ADAMTSL1: variants seen among roughly 807,000 people sequenced by gnomAD.
ADAMTSL1 encodes ADAMTS-like protein 1.
ADAMTSL1 carries 126 observed loss-of-function variants against 201.8 expected under a neutral mutation model. The observed-to-expected ratio is 0.62, with a 90% CI of 0.54 to 0.72. The LOEUF is 0.72. Ranked by LOEUF, ADAMTSL1 falls within the 30% of genes least tolerant of loss-of-function variation. The probability of loss-of-function intolerance (pLI) is 0.00; values close to 1 mark genes in which losing one functional copy is unlikely to be tolerated. For missense variants in ADAMTSL1, 2,679 were observed against 2,277.8 expected (o/e 1.18, Z -3.59); for synonymous variants, 1,121 against 903.4 (o/e 1.24, Z -4.32).
chr9:18,271,453 A>G (rs13293064), intron 2 of ADAMTSL1, among the ~76,000 whole-genome samples: 11,858 of 151,802 alleles, frequency 0.078, 523 homozygotes, highest in African/African-American at 0.11. Context: ...GTGATAGTTT[A>G]CTGAGAATGA....
chr9:18,781,499 G>T (rs536658246), intron 19 of ADAMTSL1, among the ~76,000 whole-genome samples: 48 of 152,282 alleles, frequency 3.2e-4, no homozygotes, highest in African/African-American at 1.1e-3. Flanking sequence ...TTCAAGTTCT[G>T]TTTAAGAAAA....
upstream of ADAMTSL1, among the ~76,000 whole-genome samples, chr9:18,472,106 T>C (rs1235578150): frequency 1.4e-4 from 22 of 152,170 alleles, no homozygotes; most frequent in Admixed American, 1.2e-3. Flanking sequence ...GTTCCATTAA[T>C]AGAACTAGCT....
chr9:18,228,647 C>T (rs573204140), intron 2 of ADAMTSL1, among the ~76,000 whole-genome samples: 9 of 152,116 alleles, frequency 5.9e-5, no homozygotes, highest in Admixed American at 3.3e-4. Context: ...TTTGAACTCC[C>T]GGCCTCAAGT....
chr9:18,567,092 G>A (rs1821951977), intron 3 of ADAMTSL1, among the ~76,000 whole-genome samples: 1 of 152,062 alleles, frequency 6.6e-6, no homozygotes, highest in Non-Finnish European at 1.5e-5. Flanking sequence ...CTGGAGGGTG[G>A]GGCCCCAACA....
At chr9:18,590,867 T>G (rs751017164) in intron 4 of ADAMTSL1, among the ~76,000 whole-genome samples, 13 of 152,174 alleles carry the variant, frequency 8.5e-5, no homozygotes, top group Non-Finnish European at 1.6e-4. Context: ...GATTTCTAGT[T>G]TTATTTCATT....
intron 18 of ADAMTSL1, 117 bp from the exon 19 acceptor site, chr9:18,776,664 T>C (rs1821019223): frequency 2.5e-6 from 3 of 1,213,066 alleles, no homozygotes; most frequent in African/African-American, 3.1e-5. Flanking sequence ...CCTTCGTCTC[T>C]CCTTCTCTTC....
At chr9:18,606,519 T>C (rs1206820358) in intron 4 of ADAMTSL1, among the ~76,000 whole-genome samples, 1 of 152,190 alleles carries the variant, frequency 6.6e-6, no homozygotes, top group Non-Finnish European at 1.5e-5. Flanking sequence ...GCCTGACCTC[T>C]TGAGGATACA....
chr9:18,410,180 T>G (rs1818374889), intron 2 of ADAMTSL1, among the ~76,000 whole-genome samples: 1 of 149,844 alleles, frequency 6.7e-6, no homozygotes, highest in South Asian at 2.1e-4. Context: ...CCCTGAATCT[T>G]TTTTTTTTTA....
chr9:18,670,634 T>C (rs767054231), intron 9 of ADAMTSL1, among the ~76,000 whole-genome samples: 5 of 152,256 alleles, frequency 3.3e-5, no homozygotes, highest in Non-Finnish European at 5.9e-5. Context: ...TTTTTTGTTT[T>C]AATTTTGGAT....
At chr9:18,065,318 C>G (rs1417590395) in intron 1 of ADAMTSL1, among the ~76,000 whole-genome samples, 1 of 152,084 alleles carries the variant, frequency 6.6e-6, no homozygotes, top group Non-Finnish European at 1.5e-5. Context: ...AGTAAGGAGA[C>G]TGCATGTCTT....
intron 1 of ADAMTSL1, among the ~76,000 whole-genome samples, chr9:18,042,151 C>T (rs900660255): frequency 6.6e-6 from 1 of 150,492 alleles, no homozygotes; most frequent in Non-Finnish European, 1.5e-5. Context: ...TAATTGATTT[C>T]TCCTAAAATG....
chr9:18,567,200 C>T (rs1821960952), intron 3 of ADAMTSL1, among the ~76,000 whole-genome samples: 1 of 152,178 alleles, frequency 6.6e-6, no homozygotes, highest in African/African-American at 2.4e-5. Context: ...CAAGGTGGCT[C>T]ATGCCGTTAA....
At chr9:18,746,994 C>A (rs1694793812) in intron 15 of ADAMTSL1, among the ~76,000 whole-genome samples, 1 of 152,110 alleles carries the variant, frequency 6.6e-6, no homozygotes, top group Admixed American at 6.5e-5. Flanking sequence ...GGATTCATGG[C>A]CCTGGGTGGT....
Position 18,892,578 on chromosome 9 carries a change from C to T in ADAMTSL1, c.4833C>T (p.Ala1611=). The change falls in exon 26 of 29, where the codon GCC becomes GCT. Residue 1611 remains alanine, a synonymous_variant. Coordinates refer to ENST00000380548, the MANE Select transcript of ADAMTSL1 (RefSeq NM_001040272.6). ...ACNQQLCVEW[A]FSSWGQCNGP... is the part of the protein sequence containing the mutation. ...ACCAGCAGCTGTGTGTGGAGTGGGC[C>T]TTCTCCAGCTGGGGCCAGGTGAGGA... is the stretch of plus-strand genomic sequence containing the variant. 6.4e-7 allele frequency: 1 copy of T among 1,564,598 alleles called. No homozygotes were observed.
At chr9:18,249,448 CATAGAGACATCAAT>C (rs915114723) in intron 2 of ADAMTSL1, among the ~76,000 whole-genome samples, 1 of 152,114 alleles carries the variant, frequency 6.6e-6, no homozygotes, top group Non-Finnish European at 1.5e-5. Context: ...GAGACATTAA[CATAGAGACATCAAT>C]ATAGAGAGGG....
chr9:18,792,234 G>T (rs188315125), intron 19 of ADAMTSL1, among the ~76,000 whole-genome samples: 2 of 152,178 alleles, frequency 1.3e-5, no homozygotes, highest in East Asian at 3.9e-4. Context: ...ACCAAGAAAA[G>T]AGTCATTGGA....
intron 15 of ADAMTSL1, among the ~76,000 whole-genome samples, chr9:18,738,640 A>T (rs1334906893): frequency 6.6e-6 from 1 of 152,190 alleles, no homozygotes; most frequent in African/African-American, 2.4e-5. Context: ...CTAGCTGGAA[A>T]AATAGATAAT....
intron 2 of ADAMTSL1, among the ~76,000 whole-genome samples, chr9:18,349,869 C>G (rs954573366): frequency 5.3e-5 from 8 of 151,168 alleles, no homozygotes; most frequent in African/African-American, 1.9e-4. Context: ...TGGAAGCACA[C>G]GTCTGTTAGT....
intron 5 of ADAMTSL1, among the ~76,000 whole-genome samples, chr9:18,632,966 G>A (rs1826871616): frequency 6.6e-6 from 1 of 152,168 alleles, no homozygotes; most frequent in East Asian, 1.9e-4. Flanking sequence ...TTTTGGGGGT[G>A]CATGCTAATG....
Sources: allele counts gnomAD v4.1 joint callset (sites outside exome capture counted in the v4.1 genomes callset), GRCh38; gene constraint gnomAD v4.1.1; transcripts MANE v1.5; gene names NCBI Gene and HGNC (gene_info 2026-07-23, HGNC 2026-07-21).